TIMD4: variants seen among roughly 807,000 people sequenced by gnomAD.
TIMD4 encodes the protein T-cell immunoglobulin and mucin domain-containing protein 4.
Under a neutral mutation model 41.2 loss-of-function variants are expected in TIMD4, and 31 were observed. The observed-to-expected ratio is 0.75, with a 90% CI of 0.57 to 1.01. TIMD4 has a LOEUF of 1.01. Among genes scored for constraint, TIMD4 ranks in the 50% least tolerant of loss-of-function variants. The pLI is 0.00. For synonymous variants in TIMD4, 204 were observed against 177.1 expected, an observed-to-expected ratio of 1.15 and a Z score of -1.21; for missense variants, 479 against 472.5, an observed-to-expected ratio of 1.01 and a Z score of -0.13.
chr5:156,954,727 C>G lies in TIMD4; in HGVS notation c.88G>C (p.Glu30Gln). 1 of 1,613,336 alleles carries G rather than the reference C, an allele frequency of 6.2e-7. No homozygotes were observed. The highest frequency in any genetic ancestry group is 8.5e-7 in the Non-Finnish European group (1 of 1,179,436). The part of the protein sequence containing the change: ...TPVTSETVVT[E>Q]VLGHRVTLPC... Reference sequence around the variant, plus strand: ...AAAGTCACCCGGTGACCCAAAACCTCCGTCACAACAGTCTCTGAAGTGACT... The same window carrying G: ...AAAGTCACCCGGTGACCCAAAACCTGCGTCACAACAGTCTCTGAAGTGACT... The change falls in exon 2 of 9, where the codon GAG becomes CAG. Residue 30 changes from glutamate (E) to glutamine (Q), a missense_variant. Coordinates refer to ENST00000274532, the MANE Select transcript of TIMD4 (RefSeq NM_138379.3).
At chr5:156,959,647 T>G (rs1230139541) in intron 1 of TIMD4, among the ~76,000 whole-genome samples, 1 of 152,158 alleles carries the variant, frequency 6.6e-6, no homozygotes, top group Non-Finnish European at 1.5e-5. Context: ...GTCTCAAAAT[T>G]GCCATCTACA....
In TIMD4 at chr5:156,954,432, C is replaced by G; in HGVS notation, c.383G>C (p.Arg128Pro). The G allele has an allele frequency of 1.2e-5, 19 of 1,613,522 alleles. No homozygotes were observed. Among genetic ancestry groups the G allele is most frequent in the Non-Finnish European group, 1.5e-5 (18 of 1,179,710 alleles). Residue 128 changes from arginine to proline, a missense_variant, in exon 2 of 9, where the codon CGC becomes CCC. Arg to Pro is a moderately radical substitution (Grantham distance 103). Transcript: ENST00000274532. The stretch of plus-strand genomic sequence containing the variant: ...GTGCTTACCTCTCTGTAGATTCAGG[C>G]GCACGTTTATCTTTACATCGTTGAA... ...GWFNDVKINV[R>P]LNLQRASTTT...
At chr5:156,928,496 T>A (rs1323564630) in intron 5 of TIMD4, among the ~76,000 whole-genome samples, 1 of 152,036 alleles carries the variant, frequency 6.6e-6, no homozygotes, top group Non-Finnish European at 1.5e-5. Context: ...GGATGTAAAG[T>A]CATATGTACA....
At chr5:156,921,890 C>T (rs559845379) in intron 7 of TIMD4, among the ~76,000 whole-genome samples, 1 of 152,216 alleles carries the variant, frequency 6.6e-6, no homozygotes, top group East Asian at 1.9e-4. Flanking sequence ...TTTTCCAAAA[C>T]GTAAACTCTA....
In TIMD4 at chr5:156,949,692, A is replaced by G. The variant is rs6873053; in HGVS notation, c.719T>C (p.Val240Ala). Residue 240 changes from valine to alanine, a missense_variant, in exon 4 of 9, where the codon GTT becomes GCT. Val to Ala is a moderately conservative substitution (Grantham distance 64, BLOSUM62 0). Transcript: ENST00000274532. ...TVLPSDSWSS[V>A]ESTSADTVLL... The stretch of plus-strand genomic sequence containing the variant: ...GACAGTGTCAGCAGAAGTAGACTCA[A>G]CACTACTCCAGGAATCACTGGGGAG... 1,500,086 of 1,613,258 alleles carry G rather than the reference A, an allele frequency of 0.93. 698,180 individuals carry two copies. The highest frequency in any genetic ancestry group is 1 in the East Asian group (44,881 of 44,888).
chr5:156,962,460 G>A (rs1439156692), intron 1 of TIMD4, among the ~76,000 whole-genome samples: 1 of 152,054 alleles, frequency 6.6e-6, no homozygotes, highest in Non-Finnish European at 1.5e-5. Flanking sequence ...ATATTATCTT[G>A]TCCTAGAAGC....
chr5:156,954,578 T>C lies in TIMD4; in HGVS notation c.237A>G (p.Arg79=). Residue 79 remains arginine (R), a synonymous_variant, in exon 2 of 9, where the codon AGA becomes AGG. Coordinates refer to ENST00000274532, the MANE Select transcript of TIMD4 (RefSeq NM_138379.3). The part of the protein sequence containing the change: ...IRTDGMRVTS[R]KSAKYRLQGT... ...CCTGAAGTCTATATTTTGCTGACTT[T>C]CTTGAGGTCACCCTCATTCCATCAG... 4 of 1,614,250 alleles carry C rather than the reference T, an allele frequency of 2.5e-6. No homozygotes were observed. The highest frequency in any genetic ancestry group is 3.4e-6 in the Non-Finnish European group (4 of 1,180,048).
intron 1 of TIMD4, among the ~76,000 whole-genome samples, chr5:156,960,951 C>T (rs1295601423): frequency 6.6e-6 from 1 of 152,158 alleles, no homozygotes; most frequent in Admixed American, 6.5e-5. Context: ...CAGGAAAAGC[C>T]TGAATTAAGT....
intron 5 of TIMD4, among the ~76,000 whole-genome samples, chr5:156,936,701 G>C (rs1396609236): frequency 6.6e-6 from 1 of 151,750 alleles, no homozygotes; most frequent in Non-Finnish European, 1.5e-5. Flanking sequence ...CAGATCACCT[G>C]AGGTCAAAAG....
chr5:156,958,810 G>A (rs1396925142), intron 1 of TIMD4, among the ~76,000 whole-genome samples: 2 of 152,160 alleles, frequency 1.3e-5, no homozygotes, highest in African/African-American at 2.4e-5. Context: ...ATGGGGAATG[G>A]CTAAACTGGT....
intron 5 of TIMD4, among the ~76,000 whole-genome samples, chr5:156,944,714 C>T (rs1759708336): frequency 6.6e-6 from 1 of 151,990 alleles, no homozygotes; most frequent in Non-Finnish European, 1.5e-5. Flanking sequence ...ACTGTGTTAG[C>T]CAGGATGGTC....
At chr5:156,945,118 G>A (rs1759716473) in intron 5 of TIMD4, among the ~76,000 whole-genome samples, 1 of 152,166 alleles carries the variant, frequency 6.6e-6, no homozygotes, top group Non-Finnish European at 1.5e-5. Context: ...GGGTTGGAAG[G>A]GTTTTCATGT....
chr5:156,921,012 A>G lies in TIMD4; in HGVS notation c.1013-509T>C, dbSNP rs370435042. On this transcript the variant is annotated intron_variant, in intron 7 of 8. Coordinates refer to ENST00000274532, the MANE Select transcript of TIMD4 (RefSeq NM_138379.3). ...CCTGAAACAGCTTTTGTTAATGAGTACAGAACAATTTATCCCCATTTTACA... is the reference window on the plus strand; with the variant it reads ...CCTGAAACAGCTTTTGTTAATGAGTGCAGAACAATTTATCCCCATTTTACA... 1.5e-3 allele frequency among the ~76,000 whole-genome samples: 235 copies of G among 152,208 alleles called. 1 individual carries two copies. The highest frequency in any genetic ancestry group is 5.4e-3 in the African/African-American group (226 of 41,524).
In TIMD4 at chr5:156,951,763, G is replaced by A. The variant is rs897655627; in HGVS notation, c.428C>T (p.Thr143Ile). ...RASTTTHRTA[T>I]TTTRRTTTTS... is the part of the protein sequence containing the mutation. Reference sequence around the variant, plus strand: ...TGTTGTTGTTCTGCGTGTGGTGGTGGTTGCTGTTCTGTGCGTGGTTGTTGA... The same window carrying A: ...TGTTGTTGTTCTGCGTGTGGTGGTGATTGCTGTTCTGTGCGTGGTTGTTGA... Residue 143 changes from threonine to isoleucine, a missense_variant, in exon 3 of 9, where the codon ACC (threonine) becomes ATC (isoleucine). Physicochemically the swap from Thr to Ile is moderately conservative, Grantham distance 89. Coordinates refer to ENST00000274532, the MANE Select transcript of TIMD4 (RefSeq NM_138379.3). 5.6e-6 allele frequency: 9 copies of A among 1,613,970 alleles called. No individual in the cohort carries two copies. The highest frequency in any genetic ancestry group is 6.8e-6 in the Non-Finnish European group (8 of 1,180,036).
intron 6 of TIMD4, among the ~76,000 whole-genome samples, chr5:156,924,958 T>C (rs1759318763): frequency 6.6e-6 from 1 of 152,104 alleles, no homozygotes. Context: ...CCTGTACTCA[T>C]GTTGCTATTT....
intron 2 of TIMD4, among the ~76,000 whole-genome samples, chr5:156,952,003 A>G (rs1316220059): frequency 6.6e-6 from 1 of 152,096 alleles, no homozygotes; most frequent in Admixed American, 6.5e-5. Flanking sequence ...ATCATTTAAA[A>G]TGTTGGCCAG....
intron 6 of TIMD4, among the ~76,000 whole-genome samples, chr5:156,925,789 G>A (rs1448498633): frequency 1.3e-5 from 2 of 152,224 alleles, no homozygotes; most frequent in South Asian, 2.1e-4. Flanking sequence ...AAGAGTACAA[G>A]TCTATAAATT....
At chr5:156,958,625 A>G (rs1296243290) in intron 1 of TIMD4, among the ~76,000 whole-genome samples, 1 of 152,262 alleles carries the variant, frequency 6.6e-6, no homozygotes, top group Non-Finnish European at 1.5e-5. Context: ...TTATAGCCAC[A>G]CTGTGAGGAA....
intron 5 of TIMD4, among the ~76,000 whole-genome samples, chr5:156,940,496 C>T (rs532168392): frequency 2.0e-4 from 30 of 152,178 alleles, no homozygotes; most frequent in East Asian, 1.5e-3. Flanking sequence ...GCCGCCGCCC[C>T]GTCTAGGAAG....
Sources: allele counts gnomAD v4.1 joint callset (sites outside exome capture counted in the v4.1 genomes callset), GRCh38; gene constraint gnomAD v4.1.1; transcripts MANE v1.5; gene names NCBI Gene and HGNC (gene_info 2026-07-23, HGNC 2026-07-21).